The following TAPT1 variants were observed in gnomAD, a reference collection of about 807,000 sequenced individuals.
TAPT1 encodes the protein transmembrane anterior posterior transformation protein 1 homolog.
A neutral mutation model predicts 65.6 loss-of-function variants in TAPT1; 28 were observed. That is an observed-to-expected ratio of 0.43 (90% confidence interval 0.32 to 0.59). The LOEUF (loss-of-function observed/expected upper bound fraction) is 0.59. Ranked by LOEUF, TAPT1 falls within the 20% of genes least tolerant of loss-of-function variation. The probability of loss-of-function intolerance (pLI) is 0.09; values close to 1 mark genes in which losing one functional copy is unlikely to be tolerated. For missense variants in TAPT1, 563 were observed against 679.9 expected (o/e 0.83, Z 1.91); for synonymous variants, 278 against 245.2 (o/e 1.13, Z -1.25).
chr4:16,218,121 G>A (rs1751044273), intron 1 of TAPT1, among the ~76,000 whole-genome samples: 1 of 152,148 alleles, frequency 6.6e-6, no homozygotes, highest in Non-Finnish European at 1.5e-5. Flanking sequence ...GTTTATTTGG[G>A]GCCGGGCATA....
intron 2 of TAPT1, among the ~76,000 whole-genome samples, chr4:16,207,153 A>G (rs1750394515): frequency 1.3e-5 from 2 of 152,248 alleles, no homozygotes; most frequent in South Asian, 4.1e-4. Context: ...GTCACCAGCA[A>G]GAGCTGCATT....
chr4:16,226,531 C>A (rs1751579056), upstream of TAPT1: 1 of 936,018 alleles, frequency 1.1e-6, no homozygotes, highest in Non-Finnish European at 1.3e-6. Context: ...CCCCGCCTCG[C>A]CCCGCCCCTC....
Position 16,225,733 on chromosome 4 carries a change from A to C in TAPT1, c.199+526T>G, listed in dbSNP as rs546156768. ...AGATGCAACATTTTATGGAGTGTTA[A>C]ATATTTCTGTACTGGGCAAAACTAC... On this transcript the variant is annotated intron_variant, in intron 1 of 13. Coordinates refer to ENST00000405303, the MANE Select transcript of TAPT1 (RefSeq NM_153365.3). 5.7e-5 allele frequency: 17 copies of C among 298,822 alleles called. No individual in the cohort carries two copies. The East Asian group carries it at 2.9e-3, about 52-fold the overall frequency. 18.5% of individuals were successfully genotyped at this position (298,822 alleles called of 1,614,324 possible). A position where few individuals can be genotyped will look rare whatever the true frequency, so the allele number is the denominator to read the frequency against.
upstream of TAPT1, chr4:16,227,253 AC>A (rs1442148595): frequency 8.8e-6 from 4 of 455,320 alleles, no homozygotes; most frequent in Admixed American, 9.4e-5. Flanking sequence ...GACTTTCCAC[AC>A]TGTCTTTCGG....
At position 16,163,357 on chromosome 4, in the gene TAPT1, T is replaced by C; in HGVS notation, c.1655A>G (p.Asp552Gly). The change falls in exon 14 of 14, where the codon GAT becomes GGT. Residue 552 changes from aspartate (D) to glycine (G), a missense_variant. Physicochemically the swap from Asp to Gly is moderately conservative, Grantham distance 94. Around this residue, in one of 5 missense-constraint regions of TAPT1, gnomAD observed 136 missense variants for 153.9 expected, o/e 0.88. Transcript: ENST00000405303. ...TGTGAACCTGTCTATCTCTAACAAA[T>C]CTTTCTTTGAGGATCTGTGTTTTAA... ...SELKHRSSKK[D>G]LLEIDRFTIC... 1 of 1,614,028 alleles carries C rather than the reference T, an allele frequency of 6.2e-7. No individual in the cohort carries two copies. The highest frequency in any genetic ancestry group is 8.5e-7 in the Non-Finnish European group (1 of 1,179,898).
intron 2 of TAPT1, among the ~76,000 whole-genome samples, chr4:16,210,267 T>C (rs1750580132): frequency 6.6e-6 from 1 of 152,196 alleles, no homozygotes; most frequent in South Asian, 2.1e-4. Flanking sequence ...CTTGCAGGGT[T>C]AGCAAAGTCG....
chr4:16,176,990 A>G (rs1209216376), intron 8 of TAPT1, among the ~76,000 whole-genome samples: 1 of 152,188 alleles, frequency 6.6e-6, no homozygotes, highest in Non-Finnish European at 1.5e-5. Context: ...CCTTTGTTTC[A>G]CTGTCATACA....
chr4:16,196,034 T>C (rs1015721918), intron 3 of TAPT1, among the ~76,000 whole-genome samples: 7 of 152,190 alleles, frequency 4.6e-5, no homozygotes, highest in South Asian at 4.1e-4. Flanking sequence ...GTGGTATAAT[T>C]GGAAGAGTGA....
Position 16,191,204 on chromosome 4 carries a change from G to A in TAPT1, c.612+157C>T, listed in dbSNP as rs780397549. On this transcript the variant is annotated intron_variant, in intron 4 of 13. Coordinates refer to ENST00000405303, the MANE Select transcript of TAPT1 (RefSeq NM_153365.3). Reference sequence around the variant, plus strand: ...CTAGATCTCCTAAATCAGAATCCATGTTTAAGAAGAGCCCCCAAGTGATGA... The same window carrying A: ...CTAGATCTCCTAAATCAGAATCCATATTTAAGAAGAGCCCCCAAGTGATGA... 1.8e-5 allele frequency: 13 copies of A among 707,546 alleles called. No individual in the cohort carries two copies. The South Asian group carries it at 3.5e-4, about 19-fold the overall frequency. The allele number at this position is 707,546 out of a possible 1,614,324, so 43.8% of individuals were successfully genotyped here. A position where few individuals can be genotyped will look rare whatever the true frequency, so the allele number is the denominator to read the frequency against.
At chr4:16,223,760 C>A (rs1751390749) in intron 1 of TAPT1, among the ~76,000 whole-genome samples, 1 of 152,080 alleles carries the variant, frequency 6.6e-6, no homozygotes, top group Non-Finnish European at 1.5e-5. Context: ...ACATATAAAT[C>A]AACAAGGAGA....
At chr4:16,173,917 T>G (rs1748163630) in intron 11 of TAPT1, among the ~76,000 whole-genome samples, 1 of 152,220 alleles carries the variant, frequency 6.6e-6, no homozygotes, top group South Asian at 2.1e-4. Flanking sequence ...ATATTTCCAT[T>G]AAAAAATGTT....
intron 3 of TAPT1, among the ~76,000 whole-genome samples, chr4:16,200,659 A>C (rs1437659848): frequency 6.6e-6 from 1 of 152,132 alleles, no homozygotes; most frequent in Admixed American, 6.5e-5. Context: ...GTTTCACCTG[A>C]CTTTATCTAA....
At chr4:16,166,863 C>A in intron 12 of TAPT1, 70 bp from the exon 13 acceptor site, 1 of 1,491,190 alleles carries the variant, frequency 6.7e-7, no homozygotes, top group Non-Finnish European at 9.3e-7. Flanking sequence ...CCATCTACTA[C>A]CATGGCTAAG....
intron 3 of TAPT1, among the ~76,000 whole-genome samples, chr4:16,201,450 A>G (rs1395130019): frequency 6.6e-6 from 1 of 152,196 alleles, no homozygotes; most frequent in African/African-American, 2.4e-5. Context: ...AGCATTTTAG[A>G]ACTTTTCCAG....
chr4:16,181,491 G>A (rs2149682629), intron 7 of TAPT1, among the ~76,000 whole-genome samples: 1 of 152,310 alleles, frequency 6.6e-6, no homozygotes, highest in African/African-American at 2.4e-5. Context: ...TGCAAGTATA[G>A]AGAAAATCTG....
intron 3 of TAPT1, among the ~76,000 whole-genome samples, chr4:16,198,515 G>C (rs150388977): frequency 6.6e-6 from 1 of 151,736 alleles, no homozygotes; most frequent in East Asian, 1.9e-4. Context: ...AAGAGACTAG[G>C]AAGACAGTAA....
At chr4:16,171,021 G>C (rs907468517) in intron 11 of TAPT1, among the ~76,000 whole-genome samples, 3 of 152,116 alleles carry the variant, frequency 2.0e-5, no homozygotes, top group Non-Finnish European at 2.9e-5. Context: ...CTATACTTAG[G>C]TCATGAATGT....
intron 2 of TAPT1, among the ~76,000 whole-genome samples, chr4:16,211,043 TG>T (rs1026543840): frequency 6.3e-5 from 8 of 126,574 alleles, no homozygotes; most frequent in African/African-American, 2.1e-4. Flanking sequence ...AAAATTGGGG[TG>T]TTTTTTTTTT....
upstream of TAPT1, chr4:16,227,176 A>T (rs1405528970): frequency 4.4e-6 from 2 of 455,772 alleles, no homozygotes; most frequent in South Asian, 1.6e-5. Flanking sequence ...GCTTCACAAC[A>T]GGTGGGGACG....
Sources: allele counts gnomAD v4.1 joint callset (sites outside exome capture counted in the v4.1 genomes callset), GRCh38; gene constraint gnomAD v4.1.1; regional missense constraint gnomAD v4.1.1; transcripts MANE v1.5; gene names NCBI Gene and HGNC (gene_info 2026-07-23, HGNC 2026-07-21).